Variants in ANK2 observed in about 807,000 individuals in gnomAD.
ANK2 encodes the protein ankyrin-2.
Under a neutral mutation model 360.5 loss-of-function variants are expected in ANK2, and 83 were observed. The ratio of observed to expected loss-of-function variants is 0.23; its 90% CI spans 0.19 to 0.28. The LOEUF (loss-of-function observed/expected upper bound fraction) is 0.28, where lower values mean the gene tolerates loss of function less well. Among genes scored for constraint, ANK2 ranks in the 10% least tolerant of loss-of-function variants. The probability of loss-of-function intolerance (pLI) is 1.00; values close to 1 mark genes in which losing one functional copy is unlikely to be tolerated. For synonymous variants in ANK2, 1,740 were observed against 1,759.5 expected (o/e 0.99, Z 0.28); for missense variants, 4,201 against 4,795.7 (o/e 0.88, Z 3.66).
At chr4:112,991,046 T>C (rs2046563597) in intron 2 of ANK2, among the ~76,000 whole-genome samples, 3 of 152,094 alleles carry the variant, frequency 2.0e-5, no homozygotes, top group South Asian at 4.1e-4. Flanking sequence ...GGTCAAGAGA[T>C]GGGGACCATC....
chr4:112,955,412 A>G (rs953598851), intron 2 of ANK2, among the ~76,000 whole-genome samples: 1 of 152,192 alleles, frequency 6.6e-6, no homozygotes, highest in Non-Finnish European at 1.5e-5. Flanking sequence ...TTGAGATTAT[A>G]TAGTCTAAAT....
At chr4:113,080,123 T>C (rs1417316699) in intron 1 of ANK2, among the ~76,000 whole-genome samples, 1 of 152,136 alleles carries the variant, frequency 6.6e-6, no homozygotes, top group Non-Finnish European at 1.5e-5. Context: ...AGTCTCGAAT[T>C]CCTGACCTAA....
intron 1 of ANK2, among the ~76,000 whole-genome samples, chr4:112,899,859 A>G (rs1240816388): frequency 6.6e-6 from 1 of 152,112 alleles, no homozygotes; most frequent in African/African-American, 2.4e-5. Context: ...TGTCTCATTC[A>G]CCTTTGAACA....
At chr4:112,867,019 C>T (rs770439778) in intron 1 of ANK2, among the ~76,000 whole-genome samples, 1 of 151,976 alleles carries the variant, frequency 6.6e-6, no homozygotes, top group Non-Finnish European at 1.5e-5. Flanking sequence ...TCATGCAGTG[C>T]TCTGTTTCTA....
intron 1 of ANK2, among the ~76,000 whole-genome samples, chr4:112,894,854 T>C (rs2081268301): frequency 6.6e-6 from 1 of 152,232 alleles, no homozygotes; most frequent in African/African-American, 2.4e-5. Flanking sequence ...GCAGAGCTCA[T>C]AGATATGACA....
intron 1 of ANK2, among the ~76,000 whole-genome samples, chr4:113,172,436 T>C (rs2098009695): frequency 6.6e-6 from 1 of 152,208 alleles, no homozygotes; most frequent in South Asian, 2.1e-4. Flanking sequence ...GGTCTTCCAC[T>C]AAATAAATGT....
At chr4:112,897,627 G>A (rs760095863) in intron 1 of ANK2, among the ~76,000 whole-genome samples, 1 of 152,010 alleles carries the variant, frequency 6.6e-6, no homozygotes, top group Non-Finnish European at 1.5e-5. Flanking sequence ...CACTGATGAT[G>A]TTTTGTCTTT....
chr4:113,253,334 C>G (rs977998412), intron 10 of ANK2, among the ~76,000 whole-genome samples: 6 of 152,154 alleles, frequency 3.9e-5, no homozygotes, highest in African/African-American at 1.4e-4. Flanking sequence ...TATCTTTTCT[C>G]TATCGGCACT....
rs776369900 is a variant in ANK2, at chr4:113,332,002, A to G, written c.3156A>G (p.Pro1052=). 6 of 1,613,962 alleles carry G rather than the reference A, an allele frequency of 3.7e-6. No homozygotes were observed. In the East Asian group the frequency reaches 1.3e-4, roughly 36 times the overall value. The change falls in exon 28 of 46, where the codon CCA becomes CCG. Residue 1052 remains proline, a synonymous_variant. Transcript: ENST00000357077. ...TTCACCTGCCAACGGCTCCTCCCCC[A>G]CTTAATGAGGGAGAAAGTTTGGTCA... The part of the protein sequence containing the change: ...GKLHLPTAPP[P]LNEGESLVSR...
chr4:113,042,637 G>A (rs1372990611), intron 2 of ANK2, among the ~76,000 whole-genome samples: 1 of 152,048 alleles, frequency 6.6e-6, no homozygotes, highest in African/African-American at 2.4e-5. Context: ...ATACTTTTAG[G>A]CCTAGGATGG....
chr4:113,093,302 C>G (rs2089457777), intron 1 of ANK2, among the ~76,000 whole-genome samples: 2 of 152,118 alleles, frequency 1.3e-5, no homozygotes, highest in South Asian at 4.2e-4. Context: ...TTTCCTATAT[C>G]TAATCCCAAA....
chr4:113,278,643 A>G, intron 17 of ANK2, 85 bp downstream of exon 17: 1 of 1,331,674 alleles, frequency 7.5e-7, no homozygotes, highest in Non-Finnish European at 1.1e-6. Flanking sequence ...AACACATGGT[A>G]TAGTATAACT....
Position 113,332,051 on chromosome 4 carries a change from C to G in ANK2, c.3205C>G (p.Pro1069Ala). The change falls in exon 28 of 46, where the codon CCT becomes GCT. Residue 1069 changes from proline (P) to alanine (A), a missense_variant. Pro to Ala is a conservative substitution (Grantham distance 27). Transcript: ENST00000357077. Reference sequence around the variant, plus strand: ...CAGCCGCATTCTTCAGCTGGGGCCTCCTGGAACCAAATTCCTTGGGTAGGA... The same window carrying G: ...CAGCCGCATTCTTCAGCTGGGGCCTGCTGGAACCAAATTCCTTGGGTAGGA... ...LVSRILQLGPPGTKFLGPVIV... is the reference protein window; with the variant it reads ...LVSRILQLGPAGTKFLGPVIV... 6.2e-7 allele frequency: 1 copy of G among 1,614,074 alleles called. No individual in the cohort carries two copies.
intron 1 of ANK2, among the ~76,000 whole-genome samples, chr4:112,889,657 A>G (rs1437218056): frequency 6.6e-6 from 1 of 152,026 alleles, no homozygotes; most frequent in Non-Finnish European, 1.5e-5. Context: ...GTAAAACATG[A>G]TACTTTCTTT....
In ANK2 at chr4:113,105,625, G is replaced by A. The variant is rs145654527; in HGVS notation, c.84+55813G>A. Among the ~76,000 whole-genome samples, 616 of 152,172 alleles carry A rather than the reference G, an allele frequency of 4.0e-3. 20 individuals carry two copies. Among genetic ancestry groups the A allele is most frequent in the Admixed American group, 0.032 (494 of 15,292 alleles). The stretch of plus-strand genomic sequence containing the variant: ...CATTTTCCACTTGGGTCAGCTATAG[G>A]CATGAAGGTTCATTTGTGAAACAAT... On this transcript the variant is annotated intron_variant, in intron 1 of 45. Coordinates refer to ENST00000357077, the MANE Select transcript of ANK2 (RefSeq NM_001148.6).
intron 1 of ANK2, among the ~76,000 whole-genome samples, chr4:113,103,745 G>T (rs185353559): frequency 6.6e-6 from 1 of 152,186 alleles, no homozygotes; most frequent in East Asian, 1.9e-4. Flanking sequence ...TTAAAAGTCA[G>T]CTATGTAAAG....
intron 45 of ANK2, chr4:113,378,163 A>T (rs1284088966): frequency 3.9e-6 from 5 of 1,272,106 alleles, no homozygotes; most frequent in Non-Finnish European, 5.1e-6. Context: ...CTGAAAGAGG[A>T]TGGATCAATA....
the ANK2 span, among the ~76,000 whole-genome samples, chr4:112,721,060 C>G: frequency 6.6e-6 from 1 of 152,132 alleles, no homozygotes; most frequent in African/African-American, 2.4e-5. Flanking sequence ...CCAGAACCCC[C>G]AAGGTTCAGA....
chr4:113,356,538 A>G lies in ANK2; in HGVS notation c.7920A>G (p.Thr2640=). ...CSVDVDEPKH[T]GSGEDESGVP... ...TAGATGTGGATGAACCAAAACATAC[A>G]GGCAGTGGGGAGGATGAAAGTGGTG... Residue 2640 remains threonine (T), a synonymous_variant, in exon 38 of 46, where the codon ACA becomes ACG. Transcript: ENST00000357077. 1 of 1,614,148 alleles carries G rather than the reference A, an allele frequency of 6.2e-7. No homozygotes were observed. Among genetic ancestry groups the G allele is most frequent in the Non-Finnish European group, 8.5e-7 (1 of 1,179,990 alleles).
Sources: gnomAD v4.1 joint callset for allele counts (sites outside exome capture counted in the v4.1 genomes callset) on GRCh38, gnomAD v4.1.1 for gene constraint, MANE v1.5 for transcripts, NCBI Gene and HGNC (gene_info 2026-07-23, HGNC 2026-07-21) for gene names.